Variants in MVB12A observed in about 807,000 individuals in gnomAD.
MVB12A encodes CIN85/CD2AP family binding protein.
Under a neutral mutation model 34.3 loss-of-function variants are expected in MVB12A, and 30 were observed. The ratio of observed to expected loss-of-function variants is 0.88; its 90% confidence interval spans 0.65 to 1.19. MVB12A has a LOEUF of 1.19. MVB12A is among the 50% of genes most tolerant of loss of function. The pLI is 0.00. For missense variants in MVB12A, 355 were observed against 369.2 expected, an observed-to-expected ratio of 0.96 and a Z score of 0.31; for synonymous variants, 158 against 158.9, an observed-to-expected ratio of 0.99 and a Z score of 0.04.
At chr19:17,424,815 C>T (rs1431120254) in intron 8 of MVB12A, 116 bp from the exon 9 acceptor site, 14 of 1,312,810 alleles carry the variant, frequency 1.1e-5, no homozygotes, top group Non-Finnish European at 1.5e-5. Context: ...ACCATCTCTC[C>T]AGGGCAGAAG....
chr19:17,408,244 C>A (rs762399424), intron 2 of MVB12A, among the ~76,000 whole-genome samples: 1 of 151,954 alleles, frequency 6.6e-6, no homozygotes, highest in Non-Finnish European at 1.5e-5. Context: ...TTGCCGCCCA[C>A]AATTACAAAT....
chr19:17,415,241 G>C (rs1242185308), upstream of MVB12A: 1 of 152,186 alleles, frequency 6.6e-6, no homozygotes, highest in African/African-American at 2.4e-5. Context: ...AGCTGGGAAA[G>C]CCTGACGAAC....
At chr19:17,406,087 G>C (rs1454575227) in exon 2 of MVB12A, 2 of 152,696 alleles carry the variant, frequency 1.3e-5, no homozygotes, top group African/African-American at 4.9e-5. Context: ...GTGTCTCTGT[G>C]GTGACGAGCA....
rs369630754 is a variant in MVB12A, at chr19:17,424,636, G to A, written c.718G>A (p.Gly240Arg). ...SCSPLAFSAF[G>R]DLTIKSLADI... is the part of the protein sequence containing the mutation. ...TGCCCGCCAGGCCTTCTCTGCTTTT[G>A]GGGACCTGACCATCAAGTCTCTGGC... is the stretch of plus-strand genomic sequence containing the variant. The change falls in exon 8 of 9, where the codon GGG (glycine) becomes AGG (arginine). Residue 240 changes from glycine (G) to arginine (R), a missense_variant. Physicochemically the swap from Gly to Arg is moderately radical, Grantham distance 125. Transcript: ENST00000317040. 6.2e-7 allele frequency: 1 copy of A among 1,612,806 alleles called. No individual in the cohort carries two copies. Among genetic ancestry groups the A allele is most frequent in the South Asian group, 1.1e-5 (1 of 90,882 alleles).
chr19:17,422,042 G>T (rs185508310), intron 3 of MVB12A: 10 of 263,624 alleles, frequency 3.8e-5, no homozygotes, highest in African/African-American at 1.8e-4. Context: ...AGTAAGTTTT[G>T]AGGGCCACGA....
In MVB12A at chr19:17,424,911, T is replaced by A. The variant is rs752172127; in HGVS notation, c.760-20T>A. On this transcript the variant is annotated intron_variant, in intron 8 of 8. Transcript: ENST00000317040. ...TCTTTACTCTGGCACCTGTTCACTC[T>A]CTCTCTCCCCATCCCCCAGTATAAC... 5.0e-6 allele frequency: 8 copies of A among 1,588,422 alleles called. No individual in the cohort carries two copies. Among genetic ancestry groups the A allele is most frequent in the Non-Finnish European group, 6.9e-6 (8 of 1,165,636 alleles).
At position 17,425,205 on chromosome 19, in the gene MVB12A, C is replaced by T. The variant is rs879403709; in HGVS notation, c.*212C>T. 5.7e-6 allele frequency: 3 copies of T among 529,978 alleles called. No homozygotes were observed. The highest frequency in any genetic ancestry group is 3.7e-5 in the Admixed American group (1 of 27,070). The allele number at this position is 529,978 out of a possible 1,614,324, so 32.8% of individuals were successfully genotyped here. On this transcript the variant is annotated 3_prime_UTR_variant, in exon 9 of 9. Coordinates refer to ENST00000317040, the MANE Select transcript of MVB12A (RefSeq NM_138401.4). ...TGCGTGGTGATGGGGTCTCCGCCCC[C>T]ACGCCCTGCCGGGCAGGGCTGGAGC...
chr19:17,412,459 G>T (rs1321944443), intron 2 of MVB12A, among the ~76,000 whole-genome samples: 1 of 151,862 alleles, frequency 6.6e-6, no homozygotes, highest in Non-Finnish European at 1.5e-5. Context: ...TAGAGACGGG[G>T]TTTCACCATG....
upstream of MVB12A, chr19:17,417,923 G>C (rs1361062423): frequency 3.9e-6 from 1 of 258,670 alleles, no homozygotes; most frequent in Middle Eastern, 1.8e-3. Context: ...TTGAGATGGA[G>C]TTTCACTCTG....
At chr19:17,424,572 G>C in intron 7 of MVB12A, 49 bp from the exon 8 acceptor site, 1 of 1,592,278 alleles carries the variant, frequency 6.3e-7, no homozygotes, top group Non-Finnish European at 8.6e-7. Flanking sequence ...AAGGAAAGGG[G>C]GTTTCAGGTT....
chr19:17,417,901 C>CTT (rs35259022), upstream of MVB12A: 32 of 238,056 alleles, frequency 1.3e-4, no homozygotes, highest in South Asian at 8.2e-4. Context: ...CTTCTTCTTC[C>CTT]TTTTTTTTTT....
chr19:17,406,146 T>C (rs557812966), exon 2 of MVB12A: 2 of 151,780 alleles, frequency 1.3e-5, no homozygotes, highest in East Asian at 3.9e-4. Flanking sequence ...ATGGGAGACA[T>C]GGAGGGTGTG....
chr19:17,412,031 C>T (rs983185044), intron 2 of MVB12A, among the ~76,000 whole-genome samples: 4 of 152,124 alleles, frequency 2.6e-5, no homozygotes, highest in Non-Finnish European at 5.9e-5. Flanking sequence ...CTGGGAGTGC[C>T]GCTGCCATCT....
At chr19:17,410,575 T>TACATATATATATACAC (rs1226436527) in intron 2 of MVB12A, among the ~76,000 whole-genome samples, 1 of 120,786 alleles carries the variant, frequency 8.3e-6, no homozygotes, top group Non-Finnish European at 1.6e-5. Context: ...TACATATATA[T>TACATATATATATACAC]ACATATATAT....
At position 17,424,759 on chromosome 19, in the gene MVB12A, C is replaced by A. The variant is rs1325864223; in HGVS notation, c.759+82C>A. On this transcript the variant is annotated intron_variant, in intron 8 of 8. Transcript: ENST00000317040. ...GGCCGGCACCCGCCCCTCGTCCGCC[C>A]CAGGCTGTCCCAGTTTTCCCCATCC... The A allele has an allele frequency of 1.1e-5, 17 of 1,509,748 alleles. No homozygotes were observed. The East Asian group carries it at 3.9e-4, about 34-fold the overall frequency. 93.5% of individuals were successfully genotyped at this position (1,509,748 alleles called of 1,614,324 possible).
In MVB12A at chr19:17,420,162, G is replaced by C. The variant is rs970794715; in HGVS notation, c.27G>C (p.Ser9=). 2 of 1,389,452 alleles carry C rather than the reference G, an allele frequency of 1.4e-6. No individual in the cohort carries two copies. The highest frequency in any genetic ancestry group is 1.9e-6 in the Non-Finnish European group (2 of 1,077,874). The allele number at this position is 1,389,452 out of a possible 1,614,324, so 86.1% of individuals were successfully genotyped here. The change falls in exon 1 of 9, where the codon TCG becomes TCC. Residue 9 remains serine (S), a synonymous_variant. Transcript: ENST00000317040. MDPVPGTD[S]APLAGLAWSS... is the part of the protein sequence containing the mutation. ...TGGATCCCGTACCCGGGACAGACTC[G>C]GCGCCGCTGGCTGGCCTGGCCTGGT...
At chr19:17,408,470 G>A (rs2074742866) in intron 2 of MVB12A, among the ~76,000 whole-genome samples, 1 of 149,464 alleles carries the variant, frequency 6.7e-6, no homozygotes, top group Non-Finnish European at 1.5e-5. Context: ...TTTTGAGATG[G>A]AGTCTCGCTC....
At chr19:17,418,819 C>T (rs1424581715), upstream of MVB12A, 1 of 147,406 alleles carries the variant, frequency 6.8e-6, no homozygotes, top group African/African-American at 2.5e-5. Flanking sequence ...CCTCAGCCTC[C>T]CTGTTACCCT....
chr19:17,408,912 T>G (rs2074745881), intron 2 of MVB12A, among the ~76,000 whole-genome samples: 1 of 136,718 alleles, frequency 7.3e-6, no homozygotes, highest in Non-Finnish European at 1.5e-5. Context: ...CACTACAACC[T>G]CTGCCTCCTG....
Sources: allele counts gnomAD v4.1 joint callset (sites outside exome capture counted in the v4.1 genomes callset), GRCh38; gene constraint gnomAD v4.1.1; transcripts MANE v1.5; gene names NCBI Gene and HGNC (gene_info 2026-07-23, HGNC 2026-07-21).